TBC1D9: variants seen among roughly 807,000 people sequenced by gnomAD.
The protein encoded by TBC1D9 is TBC1 domain family member 9A.
A neutral mutation model predicts 132.0 loss-of-function variants in TBC1D9; 63 were observed. The ratio of observed to expected loss-of-function variants is 0.48; its 90% confidence interval spans 0.39 to 0.59. TBC1D9 has a LOEUF of 0.59. TBC1D9 is among the 20% of genes least tolerant of loss of function. The pLI, the probability that TBC1D9 is intolerant of heterozygous loss-of-function variation, is 0.00. For missense variants in TBC1D9, 1,261 were observed against 1,592.7 expected (o/e 0.79, Z 3.54); for synonymous variants, 610 against 609.9 (o/e 1.00, Z 0.00).
intron 13 of TBC1D9, among the ~76,000 whole-genome samples, chr4:140,640,863 C>T (rs1030831781): frequency 3.6e-5 from 5 of 138,960 alleles, no homozygotes; most frequent in Non-Finnish European, 4.4e-5. Flanking sequence ...AAGTATATAA[C>T]CCCCCCAAGA....
chr4:140,750,767 C>A (rs1738912209), intron 1 of TBC1D9, among the ~76,000 whole-genome samples: 2 of 152,108 alleles, frequency 1.3e-5, no homozygotes, highest in South Asian at 4.1e-4. Flanking sequence ...ATAGCTTTAA[C>A]ATCTTTGTTG....
At position 140,622,498 on chromosome 4, in the gene TBC1D9, C is replaced by T. The variant is rs373846996; in HGVS notation, c.3498G>A (p.Ser1166=). Residue 1166 remains serine (S), a synonymous_variant, in exon 21 of 21, where the codon TCG becomes TCA. Transcript: ENST00000442267. ...TKDDSSMSSY[S]VLSAGSHEED... ...CCTCGTGGGAGCCGGCACTCAGCAC[C>T]GAGTATGAGGACATGGAGCTGTCGT... 61 of 1,613,926 alleles carry T rather than the reference C, an allele frequency of 3.8e-5. 1 individual carries two copies. Among genetic ancestry groups the T allele is most frequent in the African/African-American group, 5.3e-5 (4 of 74,936 alleles).
At chr4:140,722,430 C>T (rs1263387173) in intron 1 of TBC1D9, among the ~76,000 whole-genome samples, 1 of 152,120 alleles carries the variant, frequency 6.6e-6, no homozygotes, top group Non-Finnish European at 1.5e-5. Flanking sequence ...AAACTTGGGG[C>T]AGAGGTCTAA....
At chr4:140,646,477 T>C (rs542424079) in intron 13 of TBC1D9, among the ~76,000 whole-genome samples, 1 of 152,356 alleles carries the variant, frequency 6.6e-6, no homozygotes, top group African/African-American at 2.4e-5. Flanking sequence ...ACTTTTTTAC[T>C]ATAAGTATAT....
intron 16 of TBC1D9, among the ~76,000 whole-genome samples, chr4:140,633,739 A>G (rs749206988): frequency 1.2e-4 from 19 of 152,032 alleles, no homozygotes; most frequent in Non-Finnish European, 1.6e-4. Flanking sequence ...TGTCTTGTGA[A>G]TTCTCTAATA....
intron 1 of TBC1D9, among the ~76,000 whole-genome samples, chr4:140,717,329 T>C (rs1738350976): frequency 1.3e-5 from 2 of 152,162 alleles, no homozygotes; most frequent in African/African-American, 4.8e-5. Context: ...AAGTTGTTGT[T>C]TTTAAAATTT....
intron 1 of TBC1D9, among the ~76,000 whole-genome samples, chr4:140,712,748 AATAGATAG>A (rs58318321): frequency 0.3 from 44,389 of 146,016 alleles, 7,141 homozygotes; most frequent in East Asian, 0.56. Flanking sequence ...ATCTCAAAAA[AATAGATAG>A]ATAGATAGAT....
At chr4:140,667,165 G>A (rs1737460401) in intron 9 of TBC1D9, among the ~76,000 whole-genome samples, 2 of 152,190 alleles carry the variant, frequency 1.3e-5, no homozygotes, top group Non-Finnish European at 2.9e-5. Flanking sequence ...TGATAGGCTG[G>A]CCTTCAGGCG....
intron 10 of TBC1D9, among the ~76,000 whole-genome samples, chr4:140,660,931 T>C (rs1737348257): frequency 6.6e-6 from 1 of 150,740 alleles, no homozygotes; most frequent in Admixed American, 6.6e-5. Context: ...TTTTTTTAAT[T>C]TGAGACGGAG....
chr4:140,657,683 CTG>C lies in TBC1D9; in HGVS notation c.2049_2050del (p.Ser684CysfsTer5). ...AACTGCACTCTCAAAAGGCATCACA[CTG>C]AGAAATAGTGTGAGGAACCAAGACA... On this transcript the variant is annotated frameshift_variant, in exon 12 of 21. Coordinates refer to ENST00000442267, the MANE Select transcript of TBC1D9 (RefSeq NM_015130.3). LOFTEE classifies it high-confidence loss of function. 1 of 1,614,018 alleles carries C rather than the reference CTG, an allele frequency of 6.2e-7. No individual in the cohort carries two copies. The highest frequency in any genetic ancestry group is 8.5e-7 in the Non-Finnish European group (1 of 1,179,898).
intron 13 of TBC1D9, chr4:140,642,940 C>T (rs1353432729): frequency 3.2e-6 from 2 of 618,916 alleles, no homozygotes; most frequent in Non-Finnish European, 5.6e-6. Context: ...TTCACCAGCT[C>T]ATGCTGCTTC....
chr4:140,700,225 G>A (rs4956477), intron 2 of TBC1D9, among the ~76,000 whole-genome samples: 66,366 of 151,824 alleles, frequency 0.44, 16,577 homozygotes, highest in African/African-American at 0.68. Flanking sequence ...TGAGGGGGGC[G>A]GATCACCTGA....
intron 13 of TBC1D9, chr4:140,643,006 C>A (rs377645045): frequency 2.7e-5 from 21 of 767,822 alleles, no homozygotes; most frequent in Non-Finnish European, 4.2e-5. Context: ...AGTTCCAGGA[C>A]GTCCATGTCC....
chr4:140,651,350 C>A (rs1478489176), intron 13 of TBC1D9, among the ~76,000 whole-genome samples: 1 of 152,166 alleles, frequency 6.6e-6, no homozygotes, highest in Non-Finnish European at 1.5e-5. Flanking sequence ...GCAGTACCAG[C>A]TACTCAGGAG....
At chr4:140,713,630 T>C in intron 1 of TBC1D9, among the ~76,000 whole-genome samples, 1 of 151,790 alleles carries the variant, frequency 6.6e-6, no homozygotes, top group East Asian at 1.9e-4. Context: ...TTCCAGCTAC[T>C]TGGGAGACTG....
chr4:140,728,127 T>A (rs1310831489), intron 1 of TBC1D9, among the ~76,000 whole-genome samples: 1 of 152,234 alleles, frequency 6.6e-6, no homozygotes, highest in Non-Finnish European at 1.5e-5. Context: ...GTCATTCTGA[T>A]ATTTGGCCTG....
chr4:140,650,691 C>G (rs1214836070), intron 13 of TBC1D9, among the ~76,000 whole-genome samples: 2 of 152,142 alleles, frequency 1.3e-5, no homozygotes, highest in African/African-American at 4.8e-5. Context: ...CATCACCATG[C>G]CTGGCTGATT....
intron 13 of TBC1D9, among the ~76,000 whole-genome samples, chr4:140,648,536 C>T (rs770275652): frequency 2.0e-5 from 3 of 151,986 alleles, no homozygotes; most frequent in Non-Finnish European, 4.4e-5. Context: ...CAGGCATGTG[C>T]CACTACGCCT....
At chr4:140,668,050 T>C (rs914067173) in intron 9 of TBC1D9, among the ~76,000 whole-genome samples, 1 of 152,230 alleles carries the variant, frequency 6.6e-6, no homozygotes, top group Non-Finnish European at 1.5e-5. Context: ...CTATTTAGAA[T>C]GATAATATTT....
Sources: gnomAD v4.1 joint callset for allele counts (sites outside exome capture counted in the v4.1 genomes callset) on GRCh38, gnomAD v4.1.1 for gene constraint, MANE v1.5 for transcripts, NCBI Gene and HGNC (gene_info 2026-07-23, HGNC 2026-07-21) for gene names.